The following GSDMC variants were observed in gnomAD, a reference collection of about 807,000 sequenced individuals.
GSDMC encodes gasdermin-C.
GSDMC carries 59 observed loss-of-function variants against 58.0 expected under a neutral mutation model. That is an observed-to-expected ratio of 1.02 (90% CI 0.82 to 1.26). The LOEUF (loss-of-function observed/expected upper bound fraction) is 1.26, where lower values mean the gene tolerates loss of function less well. Ranked by LOEUF, GSDMC falls within the 50% of genes most tolerant of loss-of-function variation. The pLI is 0.00. For missense variants in GSDMC, 659 were observed against 598.5 expected (o/e 1.10, Z -1.06); for synonymous variants, 241 against 220.2 (o/e 1.09, Z -0.83).
chr8:129,730,919 C>T, the GSDMC span, among the ~76,000 whole-genome samples: 452 of 152,230 alleles, frequency 3.0e-3, 2 homozygotes, highest in African/African-American at 0.01. Flanking sequence ...AAATCTTGGA[C>T]GCTTCTTTAC....
At chr8:129,764,175 TG>T (rs1252226494) in intron 4 of GSDMC, among the ~76,000 whole-genome samples, 3 of 152,136 alleles carry the variant, frequency 2.0e-5, no homozygotes, top group Admixed American at 2.0e-4. Flanking sequence ...TTTCCTCAAG[TG>T]TCTGTGATTT....
rs1402932137 is a variant in GSDMC, at chr8:129,749,433, G to A, written c.1287+19C>T. On this transcript the variant is annotated intron_variant, in intron 13 of 13. Transcript: ENST00000276708. ...CCTCACCCTCTTCCCTGAACTTCTGGCCCCTGGGAAGTTCTCACCAGCTCC... is the reference window on the plus strand; with the variant it reads ...CCTCACCCTCTTCCCTGAACTTCTGACCCCTGGGAAGTTCTCACCAGCTCC... 1 of 1,557,132 alleles carries A rather than the reference G, an allele frequency of 6.4e-7. No individual in the cohort carries two copies. Among genetic ancestry groups the A allele is most frequent in the Non-Finnish European group, 8.9e-7 (1 of 1,128,118 alleles).
intron 6 of GSDMC, among the ~76,000 whole-genome samples, chr8:129,755,887 A>G (rs1440374535): frequency 6.6e-6 from 1 of 151,760 alleles, no homozygotes; most frequent in East Asian, 1.9e-4. Flanking sequence ...GAAAACAAAA[A>G]GCAAAAAAAA....
At chr8:129,711,960 AAAT>A in the GSDMC span, among the ~76,000 whole-genome samples, 1 of 152,164 alleles carries the variant, frequency 6.6e-6, no homozygotes, top group South Asian at 2.1e-4. Context: ...ATGCTACTAG[AAAT>A]AATAATAAAA....
At chr8:129,743,254 G>A (rs376913483), downstream of GSDMC, among the ~76,000 whole-genome samples, 10 of 152,216 alleles carry the variant, frequency 6.6e-5, no homozygotes, top group South Asian at 4.1e-4. Flanking sequence ...TCGTATCACA[G>A]GTCCTTGAAG....
intron 3 of GSDMC, among the ~76,000 whole-genome samples, chr8:129,767,399 C>A (rs2033898035): frequency 6.6e-6 from 1 of 150,818 alleles, no homozygotes; most frequent in Admixed American, 6.6e-5. Flanking sequence ...AGCCCAGTCC[C>A]AGGCCCCACT....
the GSDMC span, chr8:129,729,901 T>C: frequency 2.5e-6 from 3 of 1,221,312 alleles, no homozygotes; most frequent in Non-Finnish European, 2.4e-6. Flanking sequence ...GAGATTAATC[T>C]GGTGACTAAT....
intron 6 of GSDMC, among the ~76,000 whole-genome samples, chr8:129,756,246 G>T (rs7822504): frequency 0.093 from 13,722 of 147,882 alleles, 2,102 homozygotes; most frequent in African/African-American, 0.32. Context: ...GACAAAAACT[G>T]TAAGGAGAGA....
intron 1 of GSDMC, among the ~76,000 whole-genome samples, chr8:129,782,089 G>T (rs1451405748): frequency 6.6e-6 from 1 of 152,102 alleles, no homozygotes; most frequent in Admixed American, 6.5e-5. Context: ...ACAAACACAT[G>T]GAAATTAAAC....
chr8:129,756,968 A>G (rs1295373066), intron 6 of GSDMC, among the ~76,000 whole-genome samples: 1 of 152,100 alleles, frequency 6.6e-6, no homozygotes, highest in Non-Finnish European at 1.5e-5. Context: ...AAACTTCATA[A>G]AAAACTACCT....
chr8:129,760,634 C>A (rs2033623325), intron 5 of GSDMC, 45 bp from the exon 6 acceptor site: 1 of 573,966 alleles, frequency 1.7e-6, no homozygotes, highest in African/African-American at 3.8e-5. Context: ...TGAGGTTATT[C>A]CTGCCTGAAC....
At chr8:129,730,190 C>A in the GSDMC span, 16 of 1,188,240 alleles carry the variant, frequency 1.3e-5, no homozygotes, top group African/African-American at 3.1e-5. Flanking sequence ...TAAAACTGTA[C>A]AACATGTATC....
downstream of GSDMC, among the ~76,000 whole-genome samples, chr8:129,744,893 A>G (rs887367583): frequency 6.6e-6 from 1 of 152,206 alleles, no homozygotes; most frequent in Non-Finnish European, 1.5e-5. Context: ...TGGAAAATGG[A>G]TATTGGAAGT....
chr8:129,777,963 T>C (rs1400091696), intron 1 of GSDMC, among the ~76,000 whole-genome samples: 1 of 151,912 alleles, frequency 6.6e-6, no homozygotes, highest in African/African-American at 2.4e-5. Context: ...ATTGTTGGAG[T>C]AGGAAAGCCT....
the GSDMC span, among the ~76,000 whole-genome samples, chr8:129,724,359 C>T: frequency 2.6e-4 from 40 of 151,998 alleles, 1 homozygote; most frequent in African/African-American, 8.0e-4. Flanking sequence ...TAAGCCATTA[C>T]GTTTTGGGGG....
At chr8:129,761,139 A>G (rs2033644348) in intron 5 of GSDMC, among the ~76,000 whole-genome samples, 1 of 152,208 alleles carries the variant, frequency 6.6e-6, no homozygotes, top group Non-Finnish European at 1.5e-5. Context: ...GCGCTCCTCT[A>G]TGTCAGACGC....
rs896469057 is a variant in GSDMC at position 129,771,628 on chromosome 8, A to T, written c.404+4474T>A. Among the ~76,000 whole-genome samples the T allele has an allele frequency of 2.6e-5, 4 of 152,286 alleles. No homozygotes were observed. The East Asian group carries it at 5.8e-4, about 22-fold the overall frequency. The stretch of plus-strand genomic sequence containing the variant: ...AGACAAACAAAAATGAAAACACAAC[A>T]TATCAAAACTTATGGGATACAACAA... On this transcript the variant is annotated intron_variant, in intron 3 of 13. Coordinates refer to ENST00000276708, the MANE Select transcript of GSDMC (RefSeq NM_031415.3).
At chr8:129,770,214 C>T (rs985443857) in intron 3 of GSDMC, among the ~76,000 whole-genome samples, 1 of 152,096 alleles carries the variant, frequency 6.6e-6, no homozygotes, top group African/African-American at 2.4e-5. Flanking sequence ...CAGGCTCATG[C>T]CTCATATTAT....
At chr8:129,731,133 A>G in the GSDMC span, among the ~76,000 whole-genome samples, 1 of 152,230 alleles carries the variant, frequency 6.6e-6, no homozygotes, top group Non-Finnish European at 1.5e-5. Flanking sequence ...TAATATAAAA[A>G]AACTTTTAAC....
Sources: allele counts gnomAD v4.1 joint callset (sites outside exome capture counted in the v4.1 genomes callset), GRCh38; gene constraint gnomAD v4.1.1; transcripts MANE v1.5; gene names NCBI Gene and HGNC (gene_info 2026-07-23, HGNC 2026-07-21).